FGF14: variants seen among roughly 807,000 people sequenced by gnomAD.
FGF14 encodes fibroblast growth factor 14.
A neutral mutation model predicts 25.5 loss-of-function variants in FGF14; 5 were observed. The observed-to-expected ratio is 0.20, with a 90% CI of 0.10 to 0.41. The LOEUF (loss-of-function observed/expected upper bound fraction) is 0.41, where lower values mean the gene tolerates loss of function less well. FGF14 is among the 10% of genes least tolerant of loss of function. FGF14 has a pLI of 1.00. For synonymous variants in FGF14, 138 were observed against 118.3 expected, an observed-to-expected ratio of 1.17 and a Z score of -1.08; for missense variants, 222 against 320.1, an observed-to-expected ratio of 0.69 and a Z score of 2.34.
At chr13:102,340,065 T>C (rs1465618957) in intron 1 of FGF14, among the ~76,000 whole-genome samples, 1 of 152,210 alleles carries the variant, frequency 6.6e-6, no homozygotes, top group Non-Finnish European at 1.5e-5. Flanking sequence ...ACTTGTTTAG[T>C]TTATTTTTGA....
chr13:101,742,855 G>T (rs1024775872), intron 3 of FGF14, among the ~76,000 whole-genome samples: 6 of 152,094 alleles, frequency 3.9e-5, no homozygotes, highest in African/African-American at 1.4e-4. Flanking sequence ...CGAACTCAAA[G>T]TCATCCCTCT....
chr13:101,906,705 T>C (rs973690368), intron 1 of FGF14, among the ~76,000 whole-genome samples: 2 of 152,194 alleles, frequency 1.3e-5, no homozygotes, highest in Admixed American at 1.3e-4. Flanking sequence ...GTTCATCTAC[T>C]CTAATTGCCA....
At chr13:102,197,232 T>C (rs1260069646) in intron 1 of FGF14, among the ~76,000 whole-genome samples, 1 of 152,168 alleles carries the variant, frequency 6.6e-6, no homozygotes, top group Non-Finnish European at 1.5e-5. Flanking sequence ...TTTTGGCCCT[T>C]CTAAAGTGGA....
chr13:101,816,019 C>G (rs2041826412), intron 3 of FGF14, among the ~76,000 whole-genome samples: 1 of 151,892 alleles, frequency 6.6e-6, no homozygotes, highest in African/African-American at 2.4e-5. Context: ...CGCCTGTATC[C>G]TAGCACTTTG....
intron 1 of FGF14, among the ~76,000 whole-genome samples, chr13:101,941,236 G>C: frequency 6.6e-6 from 1 of 152,152 alleles, no homozygotes; most frequent in African/African-American, 2.4e-5. Flanking sequence ...AATCATCATC[G>C]ATATGCACAG....
chr13:101,904,511 T>C (rs1487218174), intron 1 of FGF14, among the ~76,000 whole-genome samples: 1 of 152,238 alleles, frequency 6.6e-6, no homozygotes, highest in East Asian at 1.9e-4. Context: ...TGCAAAGTGC[T>C]GTTTCCTTTT....
At chr13:102,329,686 T>C (rs892500081) in intron 1 of FGF14, among the ~76,000 whole-genome samples, 16 of 152,140 alleles carry the variant, frequency 1.1e-4, no homozygotes, top group Admixed American at 1.0e-3. Flanking sequence ...GACCTGTGGA[T>C]GTATCCAAGA....
At chr13:102,274,883 G>A (rs962706603) in intron 1 of FGF14, among the ~76,000 whole-genome samples, 16 of 150,508 alleles carry the variant, frequency 1.1e-4, no homozygotes, top group Non-Finnish European at 1.9e-4. Context: ...GTTTTTACTC[G>A]TCATTATTTA....
chr13:102,342,331 G>C (rs1007209061), intron 1 of FGF14, among the ~76,000 whole-genome samples: 1 of 152,024 alleles, frequency 6.6e-6, no homozygotes, highest in Non-Finnish European at 1.5e-5. Flanking sequence ...GGGGAGGAAG[G>C]CATTTTGGAA....
At chr13:101,858,571 T>G (rs2044247209) in intron 3 of FGF14, among the ~76,000 whole-genome samples, 1 of 152,086 alleles carries the variant, frequency 6.6e-6, no homozygotes, top group African/African-American at 2.4e-5. Flanking sequence ...AAAATTATTT[T>G]CACCATCTAC....
intron 1 of FGF14, among the ~76,000 whole-genome samples, chr13:102,291,912 C>G (rs1470660472): frequency 1.3e-5 from 2 of 152,032 alleles, no homozygotes; most frequent in African/African-American, 4.8e-5. Flanking sequence ...CCTGTGGTGC[C>G]TACTTGGACT....
At chr13:102,308,033 G>A (rs2055496493) in intron 1 of FGF14, among the ~76,000 whole-genome samples, 1 of 152,098 alleles carries the variant, frequency 6.6e-6, no homozygotes, top group Non-Finnish European at 1.5e-5. Flanking sequence ...CTCAGAACAG[G>A]CCCTCTCAGA....
chr13:102,203,062 A>G (rs1328059390), intron 1 of FGF14, among the ~76,000 whole-genome samples: 1 of 152,222 alleles, frequency 6.6e-6, no homozygotes, highest in Non-Finnish European at 1.5e-5. Context: ...ACCCTATTCC[A>G]GCAGCATTAT....
intron 1 of FGF14, among the ~76,000 whole-genome samples, chr13:102,327,152 A>G (rs2056480847): frequency 6.6e-6 from 1 of 152,244 alleles, no homozygotes. Context: ...TACCTGGTGT[A>G]GATTTCTGGT....
intron 1 of FGF14, among the ~76,000 whole-genome samples, chr13:102,052,996 A>T (rs1566624181): frequency 1.3e-5 from 2 of 152,138 alleles, no homozygotes; most frequent in South Asian, 4.1e-4. Context: ...TACAATATAA[A>T]AAGATGTAAA....
rs1042587764 is a variant in FGF14, at chr13:101,916,713, G to C, written c.-68C>G. ...ACGGCGAGCCGGGGGCACCGGAGGG[G>C]AAGGCGGCGGCGCAGACCGTGGCTC... On this transcript the variant is annotated 5_prime_UTR_variant, in exon 1 of 5. Coordinates refer to ENST00000376143, the MANE Select transcript of FGF14 (RefSeq NM_004115.4). The C allele has an allele frequency of 7.3e-7, 1 of 1,369,316 alleles. No individual in the cohort carries two copies. Among genetic ancestry groups the C allele is most frequent in the Non-Finnish European group, 9.7e-7 (1 of 1,033,940 alleles). The allele number at this position is 1,369,316 out of a possible 1,614,324, so 84.8% of individuals were successfully genotyped here. A position where few individuals can be genotyped will look rare whatever the true frequency, so the allele number is the denominator to read the frequency against.
intron 1 of FGF14, among the ~76,000 whole-genome samples, chr13:102,383,567 T>C (rs2058235561): frequency 6.6e-6 from 1 of 152,286 alleles, no homozygotes; most frequent in South Asian, 2.1e-4. Context: ...CCAGTCCAAA[T>C]CTATTCCTAA....
rs140454141 is a variant in FGF14, at chr13:102,184,291, A to T, written c.208+217180T>A. ...TGAGGAGAGAACATCATCACAAGGA[A>T]GGGTGCATGGAAGAAAGGTGGGGGA... On this transcript the variant is annotated intron_variant, in intron 1 of 4. Transcript: ENST00000376131. Among the ~76,000 whole-genome samples, 405 of 152,242 alleles carry T rather than the reference A, an allele frequency of 2.7e-3. 2 individuals are homozygous for T. The highest frequency in any genetic ancestry group is 7.2e-3 in the Admixed American group (110 of 15,294).
intron 1 of FGF14, among the ~76,000 whole-genome samples, chr13:102,115,045 T>C (rs1357665744): frequency 6.6e-6 from 1 of 152,120 alleles, no homozygotes; most frequent in Non-Finnish European, 1.5e-5. Context: ...ATGGGACCAA[T>C]GGTAAAGGAT....
Sources: allele counts gnomAD v4.1 joint callset (sites outside exome capture counted in the v4.1 genomes callset), GRCh38; gene constraint gnomAD v4.1.1; transcripts MANE v1.5; gene names NCBI Gene and HGNC (gene_info 2026-07-23, HGNC 2026-07-21).